TP63: variants seen among roughly 807,000 people sequenced by gnomAD.
TP63 encodes tumor protein 63.
A neutral mutation model predicts 82.8 loss-of-function variants in TP63; 17 were observed. The ratio of observed to expected loss-of-function variants is 0.21; its 90% CI spans 0.14 to 0.31. The LOEUF is 0.31. TP63 is among the 10% of genes least tolerant of loss of function. The pLI, the probability that TP63 is intolerant of heterozygous loss-of-function variation, is 1.00. For missense variants in TP63, 648 were observed against 895.3 expected (o/e 0.72, Z 3.52); for synonymous variants, 330 against 321.7 (o/e 1.03, Z -0.28).
At chr3:189,722,217 G>A (rs993439329) in intron 1 of TP63, among the ~76,000 whole-genome samples, 4 of 152,206 alleles carry the variant, frequency 2.6e-5, no homozygotes, top group East Asian at 1.9e-4. Context: ...CCGTGAAGAC[G>A]CTGATCTACC....
chr3:189,683,291 A>T (rs1298319480), intron 1 of TP63, among the ~76,000 whole-genome samples: 2 of 152,194 alleles, frequency 1.3e-5, no homozygotes, highest in African/African-American at 4.8e-5. Flanking sequence ...TATCATTATT[A>T]TCTCCATTGT....
intron 4 of TP63, among the ~76,000 whole-genome samples, chr3:189,848,964 A>AC (rs1715289521): frequency 6.6e-6 from 1 of 151,940 alleles, no homozygotes; most frequent in African/African-American, 2.4e-5. Context: ...AGTCAGCCCC[A>AC]CCCCCCAGCC....
intron 4 of TP63, among the ~76,000 whole-genome samples, chr3:189,822,410 G>A (rs1244123134): frequency 1.3e-5 from 2 of 152,028 alleles, no homozygotes; most frequent in Non-Finnish European, 2.9e-5. Flanking sequence ...GCCATCCTGA[G>A]GGTTTAATCT....
At chr3:189,672,624 G>T (rs200530932) in intron 1 of TP63, among the ~76,000 whole-genome samples, 2 of 52,642 alleles carry the variant, frequency 3.8e-5, no homozygotes, top group Admixed American at 3.3e-4. Context: ...AAAGAAAAAA[G>T]GAAGGAAGGA....
chr3:189,647,540 A>C (rs1398738835), intron 1 of TP63, among the ~76,000 whole-genome samples: 1 of 146,334 alleles, frequency 6.8e-6, no homozygotes, highest in Non-Finnish European at 1.5e-5. Flanking sequence ...GGATCCGTTG[A>C]TTATATTTAT....
At chr3:189,757,788 A>C (rs1474898002) in intron 3 of TP63, among the ~76,000 whole-genome samples, 2 of 152,212 alleles carry the variant, frequency 1.3e-5, no homozygotes, top group Non-Finnish European at 2.9e-5. Flanking sequence ...ATGGTCAGGC[A>C]GTTGTTACAC....
At chr3:189,796,217 G>T (rs1158782042) in intron 3 of TP63, among the ~76,000 whole-genome samples, 1 of 151,966 alleles carries the variant, frequency 6.6e-6, no homozygotes, top group African/African-American at 2.4e-5. Context: ...AAAAATTTAA[G>T]ATATTATCTT....
At position 189,643,136 on chromosome 3, in the gene TP63, G is replaced by C. The variant is rs558065337; in HGVS notation, c.62+11559G>C. Among the ~76,000 whole-genome samples the C allele has an allele frequency of 2.0e-4, 30 of 152,164 alleles. No individual in the cohort carries two copies. The East Asian group carries it at 4.6e-3, about 24-fold the overall frequency. On this transcript the variant is annotated intron_variant, in intron 1 of 13. Coordinates refer to ENST00000264731, the MANE Select transcript of TP63 (RefSeq NM_003722.5). Reference sequence around the variant, plus strand: ...CCTGCCTCAGCCTCCCAAGTAGCTGGGATTACAGGCACATGCCGCTATGCC... The same window carrying C: ...CCTGCCTCAGCCTCCCAAGTAGCTGCGATTACAGGCACATGCCGCTATGCC...
At chr3:189,828,498 T>C (rs560175497) in intron 4 of TP63, among the ~76,000 whole-genome samples, 11 of 152,344 alleles carry the variant, frequency 7.2e-5, no homozygotes, top group South Asian at 2.1e-4. Flanking sequence ...GCCTTTTTGG[T>C]GCCATGCTTT....
In TP63 at chr3:189,894,451, C is replaced by T. The variant is rs2108874768; in HGVS notation, c.1992C>T (p.Asp664=). The T allele has an allele frequency of 6.2e-7, 1 of 1,614,072 alleles. No individual in the cohort carries two copies. Among genetic ancestry groups the T allele is most frequent in the South Asian group, 1.1e-5 (1 of 91,070 alleles). Residue 664 remains aspartate, a synonymous_variant, in exon 14 of 14, where the codon GAC becomes GAT. Coordinates refer to ENST00000264731, the MANE Select transcript of TP63 (RefSeq NM_003722.5). ...ATGAGTGGAATGACTTCAACTTTGACATGGATGCTCGCCGCAATAAGCAAC... is the reference window on the plus strand; with the variant it reads ...ATGAGTGGAATGACTTCAACTTTGATATGGATGCTCGCCGCAATAAGCAAC... ...PRDEWNDFNF[D]MDARRNKQQR...
chr3:189,825,261 AT>A (rs1433883212), intron 4 of TP63, among the ~76,000 whole-genome samples: 54 of 152,250 alleles, frequency 3.5e-4, no homozygotes, highest in Non-Finnish European at 5.9e-5. Context: ...ATTTCCTCAT[AT>A]AATAGGCATA....
intron 3 of TP63, among the ~76,000 whole-genome samples, chr3:189,748,757 G>A (rs1181089135): frequency 1.3e-5 from 2 of 151,856 alleles, no homozygotes; most frequent in African/African-American, 4.8e-5. Context: ...CAAAACTGGA[G>A]GCATCTCACT....
At chr3:189,775,091 G>A (rs1185219113) in intron 3 of TP63, among the ~76,000 whole-genome samples, 1 of 151,924 alleles carries the variant, frequency 6.6e-6, no homozygotes, top group Admixed American at 6.6e-5. Context: ...GTGATGGCAG[G>A]CACCTATAGT....
Position 189,866,813 on chromosome 3 carries a change from C to A in TP63, c.882+16C>A, listed in dbSNP as rs138246371. On this transcript the variant is annotated intron_variant, in intron 6 of 13. Coordinates refer to ENST00000264731, the MANE Select transcript of TP63 (RefSeq NM_003722.5). Reference sequence around the variant, plus strand: ...GCCACCCCAGGTAAAAAGCAAAAAACCAAACCAAAAAACAACACCTCTATG... The same window carrying A: ...GCCACCCCAGGTAAAAAGCAAAAAAACAAACCAAAAAACAACACCTCTATG... The A allele has an allele frequency of 2.6e-4, 425 of 1,611,570 alleles. 4 individuals are homozygous for A. In the East Asian group the frequency reaches 8.7e-3, roughly 33 times the overall value.
At chr3:189,686,866 G>T (rs1716491642) in intron 1 of TP63, among the ~76,000 whole-genome samples, 1 of 151,802 alleles carries the variant, frequency 6.6e-6, no homozygotes, top group Non-Finnish European at 1.5e-5. Flanking sequence ...GAGTAGCTGG[G>T]ATGACAGGCA....
In TP63 at chr3:189,742,521, G is replaced by A. The variant is rs115433392; in HGVS notation, c.324+3747G>A. ...AAACTATTCCTTTTTGTAAATACTT[G>A]TTGAATCATCCCAGATATATGTGAA... On this transcript the variant is annotated intron_variant, in intron 3 of 13. Coordinates refer to ENST00000264731, the MANE Select transcript of TP63 (RefSeq NM_003722.5). Among the ~76,000 whole-genome samples, 1,010 of 151,704 alleles carry A rather than the reference G, an allele frequency of 6.7e-3. 12 individuals carry two copies. Among genetic ancestry groups the A allele is most frequent in the African/African-American group, 0.024 (980 of 41,322 alleles).
intron 1 of TP63, among the ~76,000 whole-genome samples, chr3:189,634,525 T>A (rs770762027): frequency 1.6e-4 from 25 of 152,076 alleles, no homozygotes; most frequent in Non-Finnish European, 3.1e-4. Context: ...AGCATTTAGT[T>A]GTGCCCTGAT....
At chr3:189,850,508 A>G (rs1246933238) in intron 4 of TP63, among the ~76,000 whole-genome samples, 1 of 152,202 alleles carries the variant, frequency 6.6e-6, no homozygotes, top group East Asian at 1.9e-4. Flanking sequence ...ATATAAGAAC[A>G]TGGATAAATC....
intron 1 of TP63, among the ~76,000 whole-genome samples, chr3:189,728,915 G>A (rs1269358582): frequency 6.6e-6 from 1 of 152,164 alleles, no homozygotes; most frequent in Non-Finnish European, 1.5e-5. Context: ...TTTGTGTGGG[G>A]ATACAGAGCC....
Sources: allele counts gnomAD v4.1 joint callset (sites outside exome capture counted in the v4.1 genomes callset), GRCh38; gene constraint gnomAD v4.1.1; transcripts MANE v1.5; gene names NCBI Gene and HGNC (gene_info 2026-07-23, HGNC 2026-07-21).